Variants in PATJ observed in about 807,000 individuals in gnomAD.
PATJ encodes the protein inaD-like protein.
In PATJ, 190 loss-of-function variants were observed where a neutral mutation model predicts 224.9. The ratio of observed to expected loss-of-function variants is 0.84; its 90% CI spans 0.75 to 0.95. The LOEUF (loss-of-function observed/expected upper bound fraction) is 0.95. Among genes scored for constraint, PATJ ranks in the 40% least tolerant of loss-of-function variants. PATJ has a pLI of 0.00. For synonymous variants in PATJ, 769 were observed against 820.3 expected (o/e 0.94, Z 1.07); for missense variants, 2,121 against 2,270.3 (o/e 0.93, Z 1.34).
At chr1:61,761,737 G>A (rs1645983847) in intron 1 of PATJ, among the ~76,000 whole-genome samples, 1 of 151,380 alleles carries the variant, frequency 6.6e-6, no homozygotes, top group Non-Finnish European at 1.5e-5. Context: ...CCAGGCTGGA[G>A]TGCAGTGGCA....
chr1:61,920,429 A>G (rs1428304815), intron 26 of PATJ, among the ~76,000 whole-genome samples: 2 of 152,120 alleles, frequency 1.3e-5, no homozygotes, highest in Non-Finnish European at 2.9e-5. Flanking sequence ...CACCATCCAC[A>G]TAAGAGGTGA....
intron 21 of PATJ, among the ~76,000 whole-genome samples, chr1:61,881,164 G>A (rs140885191): frequency 6.6e-6 from 1 of 152,262 alleles, no homozygotes; most frequent in East Asian, 1.9e-4. Flanking sequence ...GGCACTATTT[G>A]TTGTTCTCTA....
intron 24 of PATJ, among the ~76,000 whole-genome samples, chr1:61,907,228 G>A (rs11207862): frequency 0.24 from 37,083 of 151,958 alleles, 4,864 homozygotes; most frequent in East Asian, 0.37. Flanking sequence ...TTATAGCAGC[G>A]TGAGAACAAA....
At chr1:61,918,307 CTTTTT>C (rs981322479) in intron 26 of PATJ, among the ~76,000 whole-genome samples, 1 of 115,624 alleles carries the variant, frequency 8.6e-6, no homozygotes. Context: ...TTTGTGTATT[CTTTTT>C]TTTTTTTTTT....
intron 28 of PATJ, among the ~76,000 whole-genome samples, chr1:62,012,998 C>T (rs1368630481): frequency 6.6e-6 from 1 of 152,230 alleles, no homozygotes; most frequent in East Asian, 1.9e-4. Flanking sequence ...GGCATGTTGC[C>T]GGGAGCAGCT....
intron 27 of PATJ, among the ~76,000 whole-genome samples, chr1:61,960,529 G>C (rs1009579919): frequency 6.6e-6 from 1 of 152,014 alleles, no homozygotes; most frequent in Non-Finnish European, 1.5e-5. Flanking sequence ...CAGGTATGGT[G>C]GTGGGCACCT....
intron 1 of PATJ, among the ~76,000 whole-genome samples, chr1:61,742,849 C>A (rs1433228695): frequency 6.6e-6 from 1 of 151,144 alleles, no homozygotes. Flanking sequence ...ACGGTGGTCC[C>A]CGCCCCGCCG....
intron 1 of PATJ, among the ~76,000 whole-genome samples, chr1:61,747,277 T>G (rs1032702308): frequency 1.3e-5 from 2 of 152,180 alleles, no homozygotes; most frequent in African/African-American, 4.8e-5. Context: ...AGAAATTTAG[T>G]GCCTGTCAAT....
chr1:61,842,717 T>C (rs894185647), intron 17 of PATJ, among the ~76,000 whole-genome samples: 4 of 150,222 alleles, frequency 2.7e-5, no homozygotes, highest in African/African-American at 7.4e-5. Context: ...GGTATCAGCC[T>C]GGCTATGCAT....
intron 24 of PATJ, among the ~76,000 whole-genome samples, chr1:61,903,096 T>C (rs1217390379): frequency 6.6e-6 from 1 of 152,126 alleles, no homozygotes; most frequent in Non-Finnish European, 1.5e-5. Context: ...TGGAAGGTCT[T>C]CTGCTCTGAA....
In PATJ at chr1:62,128,823, T is replaced by A. The variant is rs758816164; in HGVS notation, c.5167-18T>A. On this transcript the variant is annotated intron_variant, in intron 40 of 43. Coordinates refer to ENST00000642238, the MANE Select transcript of PATJ (RefSeq NM_001350145.3). ...TTTTCTTAATGATAGTGATTTTCTGTCATTTTTGTACTTCCAGGTTGGAGA... is the reference window on the plus strand; with the variant it reads ...TTTTCTTAATGATAGTGATTTTCTGACATTTTTGTACTTCCAGGTTGGAGA... 1.0e-5 allele frequency: 16 copies of A among 1,532,882 alleles called. No individual in the cohort carries two copies. The South Asian group carries it at 1.8e-4, about 17-fold the overall frequency. The allele number at this position is 1,532,882 out of a possible 1,614,324, so 95.0% of individuals were successfully genotyped here. A position where few individuals can be genotyped will look rare whatever the true frequency, so the allele number is the denominator to read the frequency against.
intron 41 of PATJ, among the ~76,000 whole-genome samples, chr1:62,130,738 C>G (rs1666176960): frequency 1.3e-5 from 2 of 152,004 alleles, no homozygotes; most frequent in Admixed American, 1.3e-4. Context: ...ATAGTCCCAG[C>G]TACTGGGGAG....
At chr1:62,071,220 G>A (rs534003225) in intron 31 of PATJ, among the ~76,000 whole-genome samples, 125 of 152,146 alleles carry the variant, frequency 8.2e-4, no homozygotes, top group Middle Eastern at 3.2e-3. Flanking sequence ...TAGCACCGTG[G>A]TTATGGGTGC....
chr1:61,867,338 G>T (rs1195504633), intron 20 of PATJ, among the ~76,000 whole-genome samples: 1 of 152,146 alleles, frequency 6.6e-6, no homozygotes. Context: ...CTAAATCTAT[G>T]TTAAATTTCC....
chr1:61,976,139 T>G (rs1340018785), intron 27 of PATJ, among the ~76,000 whole-genome samples: 4 of 151,950 alleles, frequency 2.6e-5, no homozygotes, highest in African/African-American at 4.8e-5. Flanking sequence ...TCGCCTTAAA[T>G]TGTCGATTCC....
rs895629819 is a variant in PATJ at position 62,117,514 on chromosome 1, A to G, written c.4890+296A>G. On this transcript the variant is annotated intron_variant, in intron 37 of 43. Coordinates refer to ENST00000642238, the MANE Select transcript of PATJ (RefSeq NM_001350145.3). The stretch of plus-strand genomic sequence containing the variant: ...ACACAGCTGTGTTTATTTAAAAAAA[A>G]AAAAAGGCAACATCTGGTGGCAATT... 1.4e-5 allele frequency: 11 copies of G among 785,520 alleles called. No individual in the cohort carries two copies. The African/African-American group carries it at 1.8e-4, about 13-fold the overall frequency. 48.7% of individuals were successfully genotyped at this position (785,520 alleles called of 1,614,324 possible).
chr1:61,990,295 G>A lies in PATJ; in HGVS notation c.3798G>A (p.Val1266=). The change falls in exon 28 of 44, where the codon GTG becomes GTA. Residue 1266 remains valine (V), a synonymous_variant. Transcript: ENST00000642238. The part of the protein sequence containing the change: ...NKDRSRMSIF[V]VGINPEGPAA... ...ACCGATCACGCATGAGCATATTTGTGGTGGGAATTAACCCGGAAGGACCTG... is the reference window on the plus strand; with the variant it reads ...ACCGATCACGCATGAGCATATTTGTAGTGGGAATTAACCCGGAAGGACCTG... 6.2e-7 allele frequency: 1 copy of A among 1,614,036 alleles called. No homozygotes were observed. Among genetic ancestry groups the A allele is most frequent in the African/African-American group, 1.3e-5 (1 of 75,050 alleles).
chr1:61,884,735 C>G (rs1034884497), intron 22 of PATJ, among the ~76,000 whole-genome samples: 1 of 152,064 alleles, frequency 6.6e-6, no homozygotes, highest in Non-Finnish European at 1.5e-5. Flanking sequence ...GTGAGGAAAT[C>G]TACAGGAATC....
intron 14 of PATJ, among the ~76,000 whole-genome samples, chr1:61,810,226 T>C (rs61770137): frequency 0.5 from 76,275 of 151,920 alleles, 19,340 homozygotes; most frequent in South Asian, 0.63. Flanking sequence ...GTCACTTCAT[T>C]GTTGTGACTG....
Sources: gnomAD v4.1 joint callset for allele counts (sites outside exome capture counted in the v4.1 genomes callset) on GRCh38, gnomAD v4.1.1 for gene constraint, MANE v1.5 for transcripts, NCBI Gene and HGNC (gene_info 2026-07-23, HGNC 2026-07-21) for gene names.